EPHB2: variants seen among roughly 807,000 people sequenced by gnomAD.
EPHB2 encodes EPH receptor B2, also known as ephrin type-B receptor 2.
Under a neutral mutation model 96.4 loss-of-function variants are expected in EPHB2, and 18 were observed. The ratio of observed to expected loss-of-function variants is 0.19; its 90% CI spans 0.13 to 0.28. The LOEUF (loss-of-function observed/expected upper bound fraction) is 0.28. Ranked by LOEUF, EPHB2 falls within the 10% of genes least tolerant of loss-of-function variation. The pLI, the probability that EPHB2 is intolerant of heterozygous loss-of-function variation, is 1.00. For missense variants in EPHB2, 989 were observed against 1,355.4 expected, an observed-to-expected ratio of 0.73 and a Z score of 4.25; for synonymous variants, 506 against 534.1, an observed-to-expected ratio of 0.95 and a Z score of 0.72.
chr1:22,738,674 T>C (rs6426762), intron 1 of EPHB2, among the ~76,000 whole-genome samples: 150,023 of 152,340 alleles, frequency 0.98, 73,909 homozygotes, highest in Middle Eastern at 1. Context: ...TTGGAGCCCA[T>C]GTGCTGTTAT....
Position 22,913,628 on chromosome 1 carries a change from C to T in EPHB2, c.*58C>T. Reference sequence around the variant, plus strand: ...AGCCCCGCCCCCTCTGCCCCACGTGCCGGCCCTCCTGGTGCTCTATCCACT... The same window carrying T: ...AGCCCCGCCCCCTCTGCCCCACGTGTCGGCCCTCCTGGTGCTCTATCCACT... On this transcript the variant is annotated 3_prime_UTR_variant, in exon 16 of 16. Transcript: ENST00000374630. The surrounding 1 kb of genome is among the most constrained non-coding windows in gnomAD (Gnocchi z 4.1). The T allele has an allele frequency of 1.9e-6, 3 of 1,608,196 alleles. No individual in the cohort carries two copies. Among genetic ancestry groups the T allele is most frequent in the Non-Finnish European group, 2.5e-6 (3 of 1,177,362 alleles).
chr1:22,832,763 C>G (rs1645324882), intron 3 of EPHB2, among the ~76,000 whole-genome samples: 1 of 152,086 alleles, frequency 6.6e-6, no homozygotes, highest in Non-Finnish European at 1.5e-5. Context: ...GTTAGGTGCT[C>G]CCACCTAAGA....
chr1:22,847,069 G>A (rs764653512), intron 3 of EPHB2, among the ~76,000 whole-genome samples: 1 of 152,292 alleles, frequency 6.6e-6, no homozygotes, highest in South Asian at 2.1e-4. Context: ...TAGCTGGAGT[G>A]GGTTACTCAG....
At position 22,860,341 on chromosome 1, in the gene EPHB2, G is replaced by C. The variant is rs1645774756; in HGVS notation, c.812-2696G>C. On this transcript the variant is annotated intron_variant, in intron 3 of 15. Coordinates refer to ENST00000374630, the MANE Select transcript of EPHB2 (RefSeq NM_017449.5). This position sits in a 1 kb window ranked among gnomAD's most constrained non-coding sequence, Gnocchi z 4.6. ...ACCTAGTAATTGATTGGCTGTGGGG[G>C]GACAGGGTGGAGAGTGATGCCACTT... Among the ~76,000 whole-genome samples, 1 of 152,092 alleles carries C rather than the reference G, an allele frequency of 6.6e-6. No homozygotes were observed. Among genetic ancestry groups the C allele is most frequent in the Admixed American group, 6.6e-5 (1 of 15,266 alleles).
intron 3 of EPHB2, among the ~76,000 whole-genome samples, chr1:22,799,854 G>T (rs569577997): frequency 2.6e-5 from 4 of 152,338 alleles, no homozygotes; most frequent in African/African-American, 9.6e-5. Flanking sequence ...CCGCCCTGGG[G>T]TCTTTGCAGG....
In EPHB2 at chr1:22,733,652, G is replaced by C. The variant is rs148914922; in HGVS notation, c.61+22609G>C. ...TTTTAGAGGAAAACTGAATCTCTGA[G>C]AGGTTCAGTAAATTGCCCAAGGCCA... On this transcript the variant is annotated intron_variant, in intron 1 of 15. Coordinates refer to ENST00000374630, the MANE Select transcript of EPHB2 (RefSeq NM_017449.5). The surrounding 1 kb of genome is among the most constrained non-coding windows in gnomAD (Gnocchi z 4.6). Among the ~76,000 whole-genome samples, 1 of 152,202 alleles carries C rather than the reference G, an allele frequency of 6.6e-6. No individual in the cohort carries two copies. The highest frequency in any genetic ancestry group is 2.4e-5 in the African/African-American group (1 of 41,444).
chr1:22,732,922 A>G (rs1643749646), intron 1 of EPHB2, among the ~76,000 whole-genome samples: 1 of 152,254 alleles, frequency 6.6e-6, no homozygotes, highest in Non-Finnish European at 1.5e-5. Context: ...AATGAGACGC[A>G]TAACACAGAT....
intron 1 of EPHB2, among the ~76,000 whole-genome samples, chr1:22,736,633 G>C (rs1328129621): frequency 2.0e-5 from 3 of 152,216 alleles, no homozygotes; most frequent in Non-Finnish European, 4.4e-5. Flanking sequence ...GAGGCCCTTT[G>C]AGGGTGGGGG....
At chr1:22,749,020 G>A (rs1185504095) in intron 1 of EPHB2, among the ~76,000 whole-genome samples, 2 of 144,646 alleles carry the variant, frequency 1.4e-5, no homozygotes, top group East Asian at 2.0e-4. Context: ...TTTACTTTGT[G>A]GCTTTTTTTT....
intron 3 of EPHB2, among the ~76,000 whole-genome samples, chr1:22,857,668 C>T (rs1452003395): frequency 6.6e-6 from 1 of 152,100 alleles, no homozygotes; most frequent in Non-Finnish European, 1.5e-5. Context: ...AAATGGGAGG[C>T]AGAGAGGAAT....
At chr1:22,833,414 G>A (rs760010996) in intron 3 of EPHB2, among the ~76,000 whole-genome samples, 7 of 152,096 alleles carry the variant, frequency 4.6e-5, no homozygotes, top group Non-Finnish European at 1.0e-4. Flanking sequence ...CACCATGCCC[G>A]GCCTCATTTA....
At chr1:22,745,539 A>C (rs935904771) in intron 1 of EPHB2, among the ~76,000 whole-genome samples, 1 of 152,190 alleles carries the variant, frequency 6.6e-6, no homozygotes, top group African/African-American at 2.4e-5. Flanking sequence ...TACACTTAAG[A>C]TCTGCATGCT....
intron 3 of EPHB2, among the ~76,000 whole-genome samples, chr1:22,799,955 G>C (rs1644819192): frequency 6.6e-6 from 1 of 152,228 alleles, no homozygotes; most frequent in Non-Finnish European, 1.5e-5. Flanking sequence ...ATTGCCATCT[G>C]ATTAGCAACA....
chr1:22,720,086 C>T (rs571626004), intron 1 of EPHB2, among the ~76,000 whole-genome samples: 7 of 152,326 alleles, frequency 4.6e-5, no homozygotes, highest in African/African-American at 7.2e-5. Flanking sequence ...CTACGCTCCT[C>T]GCTATCTCCC....
At chr1:22,721,780 A>ATTT (rs555671339) in intron 1 of EPHB2, among the ~76,000 whole-genome samples, 17 of 141,164 alleles carry the variant, frequency 1.2e-4, no homozygotes, top group African/African-American at 4.4e-4. Context: ...CGCATCCAGC[A>ATTT]TTTTTTTTTT....
intron 6 of EPHB2, among the ~76,000 whole-genome samples, chr1:22,883,328 G>T (rs1277201169): frequency 6.6e-6 from 1 of 152,250 alleles, no homozygotes; most frequent in African/African-American, 2.4e-5. Flanking sequence ...AGGCCAAGTG[G>T]ATGTGGGGTC....
intron 3 of EPHB2, among the ~76,000 whole-genome samples, chr1:22,804,692 C>T (rs4655114): frequency 0.56 from 84,219 of 151,418 alleles, 25,950 homozygotes; most frequent in Non-Finnish European, 0.7. Context: ...ACACCCTTCC[C>T]GCCCCTCCCA....
rs758001973 is a variant in EPHB2, at chr1:22,875,266, C to T, written c.1304-7093C>T. On this transcript the variant is annotated intron_variant, in intron 5 of 15. Coordinates refer to ENST00000374630, the MANE Select transcript of EPHB2 (RefSeq NM_017449.5). This position sits in a 1 kb window ranked among gnomAD's most constrained non-coding sequence, Gnocchi z 4.2. Reference sequence around the variant, plus strand: ...CGTTGCTACGGGTTTAAGGGACAAACACTCAAAAAGCAGCTGTCCCATGAT... The same window carrying T: ...CGTTGCTACGGGTTTAAGGGACAAATACTCAAAAAGCAGCTGTCCCATGAT... Among the ~76,000 whole-genome samples the T allele has an allele frequency of 2.6e-5, 4 of 152,178 alleles. No homozygotes were observed. The highest frequency in any genetic ancestry group is 1.3e-4 in the Admixed American group (2 of 15,282).
rs748817759 is a variant in EPHB2 at position 22,781,458 on chromosome 1, G to A, written c.99G>A (p.Leu33=). ...LMDSTTATAE[L]GWMVHPPSGW... is the part of the protein sequence containing the mutation. ...ACTCCACTACAGCGACTGCTGAGCT[G>A]GGCTGGATGGTGCATCCTCCATCAG... Residue 33 remains leucine, a synonymous_variant, in exon 2 of 16, where the codon CTG becomes CTA. Coordinates refer to ENST00000374630, the MANE Select transcript of EPHB2 (RefSeq NM_017449.5). 6.8e-6 allele frequency: 11 copies of A among 1,613,988 alleles called. No homozygotes were observed. The highest frequency in any genetic ancestry group is 7.6e-6 in the Non-Finnish European group (9 of 1,180,022).
Sources: allele counts gnomAD v4.1 joint callset (sites outside exome capture counted in the v4.1 genomes callset), GRCh38; gene constraint gnomAD v4.1.1; non-coding constraint Gnocchi (gnomAD v3.1); transcripts MANE v1.5; gene names NCBI Gene and HGNC (gene_info 2026-07-23, HGNC 2026-07-21).